TRHDE: variants seen among roughly 807,000 people sequenced by gnomAD.
The protein encoded by TRHDE is thyrotropin-releasing hormone-degrading ectoenzyme.
A neutral mutation model predicts 125.7 loss-of-function variants in TRHDE; 72 were observed. That is an observed-to-expected ratio of 0.57 (90% CI 0.47 to 0.70). The LOEUF (loss-of-function observed/expected upper bound fraction) is 0.70, where lower values mean the gene tolerates loss of function less well. TRHDE is among the 30% of genes least tolerant of loss of function. TRHDE has a pLI of 0.00. For missense variants in TRHDE, 1,110 were observed against 1,327.1 expected (o/e 0.84, Z 2.54); for synonymous variants, 509 against 509.1 (o/e 1.00, Z 0.00).
At chr12:72,185,247 G>A (rs1877180903) in intron 2 of TRHDE, among the ~76,000 whole-genome samples, 1 of 152,238 alleles carries the variant, frequency 6.6e-6, no homozygotes, top group African/African-American at 2.4e-5. Flanking sequence ...CCGGGGCTGT[G>A]CTCGATTTCT....
rs184249815 is a variant in TRHDE at position 72,652,182 on chromosome 12, G to A, written c.2676-140G>A. On this transcript the variant is annotated intron_variant, in intron 15 of 18. Coordinates refer to ENST00000261180, the MANE Select transcript of TRHDE (RefSeq NM_013381.3). Reference sequence around the variant, plus strand: ...ATTTTTAAAATATTATTACTGTGTAGTATTCTGTTTCAGGTAAAATCTAAT... The same window carrying A: ...ATTTTTAAAATATTATTACTGTGTAATATTCTGTTTCAGGTAAAATCTAAT... 4 of 420,908 alleles carry A rather than the reference G, an allele frequency of 9.5e-6. No homozygotes were observed. In the Admixed American group the frequency reaches 1.7e-4, roughly 18 times the overall value. 26.1% of individuals were successfully genotyped at this position (420,908 alleles called of 1,614,324 possible).
chr12:72,657,578 A>G (rs1336248112), intron 18 of TRHDE, among the ~76,000 whole-genome samples: 2 of 152,188 alleles, frequency 1.3e-5, no homozygotes, highest in Non-Finnish European at 2.9e-5. Context: ...TACAATCACA[A>G]GTGAATTTTA....
intron 3 of TRHDE, among the ~76,000 whole-genome samples, chr12:72,424,915 G>C (rs959513199): frequency 6.6e-6 from 1 of 152,048 alleles, no homozygotes; most frequent in Non-Finnish European, 1.5e-5. Flanking sequence ...TTCTTTGAGA[G>C]TAGCTACTTT....
chr12:72,467,528 C>T (rs2135894205), intron 3 of TRHDE, among the ~76,000 whole-genome samples: 1 of 152,082 alleles, frequency 6.6e-6, no homozygotes, highest in South Asian at 2.1e-4. Flanking sequence ...GACTTAAGAC[C>T]ACAACCAGCC....
At chr12:72,147,151 T>C (rs1876247604) in intron 2 of TRHDE, among the ~76,000 whole-genome samples, 1 of 152,092 alleles carries the variant, frequency 6.6e-6, no homozygotes. Context: ...AAAAGGCAAC[T>C]TTTTGGGCAC....
At chr12:72,237,042 G>A (rs1878349249) in intron 2 of TRHDE, among the ~76,000 whole-genome samples, 1 of 152,074 alleles carries the variant, frequency 6.6e-6, no homozygotes, top group Admixed American at 6.6e-5. Context: ...TGGTTCATGG[G>A]AAAGAGCTAT....
chr12:72,479,556 T>C (rs1877060098), intron 5 of TRHDE, among the ~76,000 whole-genome samples: 1 of 152,038 alleles, frequency 6.6e-6, no homozygotes, highest in East Asian at 1.9e-4. Context: ...TTAGTCACAT[T>C]ACCTCACATC....
At chr12:72,294,857 G>C (rs891934874) in intron 2 of TRHDE, among the ~76,000 whole-genome samples, 4 of 151,972 alleles carry the variant, frequency 2.6e-5, no homozygotes, top group Admixed American at 6.5e-5. Flanking sequence ...TTTGTGGGGG[G>C]TGAGGTGGCA....
intron 7 of TRHDE, among the ~76,000 whole-genome samples, chr12:72,542,597 A>G (rs1869211537): frequency 6.6e-6 from 1 of 151,384 alleles, no homozygotes; most frequent in South Asian, 2.1e-4. Flanking sequence ...AATTGAAGTA[A>G]TTTTAAAATA....
chr12:72,350,953 A>C (rs2135740253), intron 2 of TRHDE, among the ~76,000 whole-genome samples: 1 of 152,142 alleles, frequency 6.6e-6, no homozygotes, highest in Admixed American at 6.6e-5. Flanking sequence ...CTAGCCAGGT[A>C]GAACTAGCCA....
intron 2 of TRHDE, chr12:72,254,691 C>A (rs1565673744): frequency 6.6e-6 from 1 of 152,232 alleles, no homozygotes; most frequent in East Asian, 1.9e-4. Context: ...CCCACTTAAC[C>A]ATCTTCCTAC....
chr12:72,594,507 T>A lies in TRHDE; in HGVS notation c.2321+18965T>A, dbSNP rs188282884. Among the ~76,000 whole-genome samples, 965 of 147,428 alleles carry A rather than the reference T, an allele frequency of 6.5e-3. 5 individuals are homozygous for A. The highest frequency in any genetic ancestry group is 0.011 in the Non-Finnish European group (763 of 67,804). On this transcript the variant is annotated intron_variant, in intron 12 of 18. Coordinates refer to ENST00000261180, the MANE Select transcript of TRHDE (RefSeq NM_013381.3). ...CTCTGGGATTACAGATGTGAGTTTT[T>A]TTTTTTTTTTTAATATTACTAGGTA...
intron 2 of TRHDE, among the ~76,000 whole-genome samples, chr12:72,248,276 G>T (rs1014278397): frequency 2.6e-5 from 4 of 152,004 alleles, no homozygotes; most frequent in Non-Finnish European, 5.9e-5. Flanking sequence ...GAATTAGCTG[G>T]GCGTGGTGGC....
At chr12:72,279,956 A>G (rs1879634243) in intron 1 of TRHDE, among the ~76,000 whole-genome samples, 1 of 152,258 alleles carries the variant, frequency 6.6e-6, no homozygotes, top group Non-Finnish European at 1.5e-5. Context: ...AAGTAGTTCA[A>G]AAACTGTGGT....
chr12:72,463,424 G>T (rs917110546), intron 3 of TRHDE, among the ~76,000 whole-genome samples: 1 of 152,200 alleles, frequency 6.6e-6, no homozygotes, highest in Non-Finnish European at 1.5e-5. Flanking sequence ...CTGGAAGGCA[G>T]AAATTGGCTG....
At chr12:72,464,738 A>C (rs1876288467) in intron 3 of TRHDE, among the ~76,000 whole-genome samples, 1 of 152,128 alleles carries the variant, frequency 6.6e-6, no homozygotes, top group African/African-American at 2.4e-5. Flanking sequence ...CAGCAATGCC[A>C]AAAAAATGAT....
intron 1 of TRHDE, among the ~76,000 whole-genome samples, chr12:72,285,931 A>G (rs1003286288): frequency 2.0e-5 from 3 of 152,210 alleles, no homozygotes; most frequent in Non-Finnish European, 1.5e-5. Flanking sequence ...CTTGATCTGT[A>G]TAAATATTTA....
At chr12:72,470,104 G>A (rs1051384086) in intron 4 of TRHDE, among the ~76,000 whole-genome samples, 192 bp downstream of exon 4, 5 of 152,156 alleles carry the variant, frequency 3.3e-5, no homozygotes, top group African/African-American at 1.2e-4. Context: ...CACACTGATC[G>A]TATTGAGTAA....
At chr12:72,139,264 A>AT (rs529505613) in intron 2 of TRHDE, among the ~76,000 whole-genome samples, 75 of 147,946 alleles carry the variant, frequency 5.1e-4, no homozygotes, top group South Asian at 3.6e-3. Flanking sequence ...GGCAGAACTG[A>AT]TTTTTTTTTT....
Sources: allele counts gnomAD v4.1 joint callset (sites outside exome capture counted in the v4.1 genomes callset), GRCh38; gene constraint gnomAD v4.1.1; transcripts MANE v1.5; gene names NCBI Gene and HGNC (gene_info 2026-07-23, HGNC 2026-07-21).